The following COP1 variants were observed in gnomAD, a reference collection of about 807,000 sequenced individuals.
The protein encoded by COP1 is COP1 E3 ubiquitin ligase.
Under a neutral mutation model 101.3 loss-of-function variants are expected in COP1, and 24 were observed. That is an observed-to-expected ratio of 0.24 (90% CI 0.17 to 0.33). The LOEUF is 0.33. Ranked by LOEUF, COP1 falls within the 10% of genes least tolerant of loss-of-function variation. COP1 has a pLI of 1.00. For synonymous variants in COP1, 347 were observed against 341.9 expected (o/e 1.01, Z -0.17); for missense variants, 663 against 906.2 (o/e 0.73, Z 3.45).
At chr1:176,088,168 G>T (rs1387202143) in intron 9 of COP1, among the ~76,000 whole-genome samples, 1 of 151,894 alleles carries the variant, frequency 6.6e-6, no homozygotes, top group African/African-American at 2.4e-5. Context: ...ACGAGTTAAC[G>T]GGTCCAGCAA....
intron 11 of COP1, among the ~76,000 whole-genome samples, chr1:176,076,225 A>G (rs1175545113): frequency 1.3e-5 from 2 of 152,096 alleles, no homozygotes; most frequent in Non-Finnish European, 2.9e-5. Flanking sequence ...CTTGGCCATA[A>G]AGCAAGTCTC....
intron 8 of COP1, among the ~76,000 whole-genome samples, chr1:176,125,068 T>C (rs192160595): frequency 1.3e-5 from 2 of 151,266 alleles, no homozygotes; most frequent in East Asian, 2.0e-4. Flanking sequence ...TCTTGAGAAA[T>C]GTCTAATCTT....
At chr1:176,169,505 A>G (rs1331532355) in intron 3 of COP1, among the ~76,000 whole-genome samples, 1 of 152,194 alleles carries the variant, frequency 6.6e-6, no homozygotes, top group Non-Finnish European at 1.5e-5. Context: ...CAATAAAGCA[A>G]GTCACATGAA....
At chr1:176,197,015 T>C (rs986657190) in intron 1 of COP1, among the ~76,000 whole-genome samples, 1 of 152,112 alleles carries the variant, frequency 6.6e-6, no homozygotes, top group Non-Finnish European at 1.5e-5. Flanking sequence ...TGTATTTCCA[T>C]CCCTCGCAAA....
chr1:176,203,765 A>T (rs1362127668), intron 1 of COP1, among the ~76,000 whole-genome samples: 1 of 152,186 alleles, frequency 6.6e-6, no homozygotes, highest in African/African-American at 2.4e-5. Context: ...AACCCCTAAA[A>T]TGTTTATGAA....
intron 6 of COP1, 49 bp downstream of exon 6, chr1:176,148,957 G>A: frequency 8.2e-7 from 1 of 1,215,072 alleles, no homozygotes; most frequent in Admixed American, 2.3e-5. Flanking sequence ...AATGGGAACA[G>A]TTAACAATAG....
chr1:175,969,470 G>T (rs1652817731), intron 18 of COP1, among the ~76,000 whole-genome samples: 1 of 152,108 alleles, frequency 6.6e-6, no homozygotes, highest in Admixed American at 6.6e-5. Context: ...CTTATCTCTG[G>T]AGACAGAGAC....
intron 3 of COP1, among the ~76,000 whole-genome samples, chr1:176,175,514 A>C (rs1696804216): frequency 6.6e-6 from 1 of 152,150 alleles, no homozygotes; most frequent in Non-Finnish European, 1.5e-5. Context: ...TGCAGTTCAC[A>C]ATCAGGTTCA....
At chr1:176,025,476 TAAAA>T (rs772321422) in intron 15 of COP1, among the ~76,000 whole-genome samples, 14 of 138,596 alleles carry the variant, frequency 1.0e-4, no homozygotes, top group Admixed American at 2.8e-4. Context: ...AAAAAAAACC[TAAAA>T]AAAGAGTGGA....
chr1:176,052,302 T>C (rs1315455409), intron 11 of COP1, among the ~76,000 whole-genome samples: 3 of 152,182 alleles, frequency 2.0e-5, no homozygotes, highest in African/African-American at 4.8e-5. Flanking sequence ...TCCATGATGT[T>C]TGCACAACAA....
At chr1:175,980,173 T>C (rs1259294102) in intron 18 of COP1, among the ~76,000 whole-genome samples, 1 of 152,068 alleles carries the variant, frequency 6.6e-6, no homozygotes, top group African/African-American at 2.4e-5. Context: ...ACACAGCTGA[T>C]CAGTGGGGAA....
chr1:176,142,578 G>C (rs1360637052), intron 6 of COP1, among the ~76,000 whole-genome samples: 1 of 152,176 alleles, frequency 6.6e-6, no homozygotes, highest in East Asian at 1.9e-4. Flanking sequence ...AATGAATCAT[G>C]CAACTGCAGA....
chr1:176,046,408 G>A, intron 11 of COP1, 84 bp from the exon 12 acceptor site: 2 of 1,292,064 alleles, frequency 1.5e-6, no homozygotes, highest in Non-Finnish European at 2.2e-6. Context: ...AAGGATAAAA[G>A]ATCTACTTTA....
chr1:175,979,122 G>T (rs1191327759), intron 18 of COP1, among the ~76,000 whole-genome samples: 10 of 152,020 alleles, frequency 6.6e-5, no homozygotes, highest in Non-Finnish European at 1.5e-4. Flanking sequence ...TCCCAAACAT[G>T]ATTGTTCATA....
At chr1:176,003,888 A>G (rs1046828049) in intron 15 of COP1, among the ~76,000 whole-genome samples, 2 of 152,128 alleles carry the variant, frequency 1.3e-5, no homozygotes, top group African/African-American at 4.8e-5. Context: ...TTCTGTGAAG[A>G]AAGGCGTTGG....
intron 9 of COP1, among the ~76,000 whole-genome samples, chr1:176,102,378 T>C (rs1683569885): frequency 6.6e-6 from 1 of 152,190 alleles, no homozygotes; most frequent in Admixed American, 6.5e-5. Context: ...GAGAAAGTTT[T>C]GCAACAATAT....
rs58801318 is a variant in COP1 at position 175,990,906 on chromosome 1, AT to A, written c.1730-1428del. On this transcript the variant is annotated intron_variant, in intron 15 of 19. Coordinates refer to ENST00000367669, the MANE Select transcript of COP1 (RefSeq NM_022457.7). ...GTAGACAGCATAAAGCTGGATTCTA[AT>A]TTTTTTTTTTTTGTAAACCCATTCT... Among the ~76,000 whole-genome samples, 880 of 146,002 alleles carry A rather than the reference AT, an allele frequency of 6.0e-3. 4 individuals carry two copies. Among genetic ancestry groups the A allele is most frequent in the Non-Finnish European group, 5.6e-3 (371 of 66,056 alleles).
intron 15 of COP1, among the ~76,000 whole-genome samples, chr1:176,003,420 T>A (rs1662279709): frequency 6.6e-6 from 1 of 151,990 alleles, no homozygotes; most frequent in South Asian, 2.1e-4. Flanking sequence ...CATGAAGTCC[T>A]TGCCCATGCC....
chr1:176,016,002 T>C (rs1236089752), intron 15 of COP1, among the ~76,000 whole-genome samples: 1 of 152,132 alleles, frequency 6.6e-6, no homozygotes, highest in Non-Finnish European at 1.5e-5. Context: ...ATACATGGCT[T>C]GGACCACTGC....
Sources: allele counts gnomAD v4.1 joint callset (sites outside exome capture counted in the v4.1 genomes callset), GRCh38; gene constraint gnomAD v4.1.1; transcripts MANE v1.5; gene names NCBI Gene and HGNC (gene_info 2026-07-23, HGNC 2026-07-21).